SARDH: variants seen among roughly 807,000 people sequenced by gnomAD.
SARDH encodes the protein sarcosine dehydrogenase.
In SARDH, 95 loss-of-function variants were observed where a neutral mutation model predicts 109.1. The observed-to-expected ratio is 0.87, with a 90% CI of 0.74 to 1.03. SARDH has a LOEUF of 1.03. Ranked by LOEUF, SARDH falls within the 50% of genes least tolerant of loss-of-function variation. The probability of loss-of-function intolerance (pLI) is 0.00; values close to 1 mark genes in which losing one functional copy is unlikely to be tolerated. For synonymous variants in SARDH, 572 were observed against 534.8 expected (o/e 1.07, Z -0.96); for missense variants, 1,267 against 1,287.8 (o/e 0.98, Z 0.25).
At chr9:133,706,967 C>T (rs868695352) in intron 11 of SARDH, among the ~76,000 whole-genome samples, 2 of 152,130 alleles carry the variant, frequency 1.3e-5, no homozygotes, top group Admixed American at 1.3e-4. Flanking sequence ...GGATGGCAAT[C>T]GAGGGCACAA....
chr9:133,662,856 G>T (rs191447761), downstream of SARDH, among the ~76,000 whole-genome samples: 255 of 152,312 alleles, frequency 1.7e-3, no homozygotes, highest in Admixed American at 5.4e-3. The surrounding 1 kb of genome is among the most constrained non-coding windows in gnomAD (Gnocchi z 5.1). Context: ...CCTGGGCTCG[G>T]GGGGACAAGG....
intron 20 of SARDH, among the ~76,000 whole-genome samples, chr9:133,664,900 C>A (rs1425811255): frequency 1.3e-5 from 2 of 152,140 alleles, no homozygotes; most frequent in Admixed American, 1.3e-4. Flanking sequence ...CACGGGCATG[C>A]ACAACTCAAA....
intron 17 of SARDH, among the ~76,000 whole-genome samples, chr9:133,684,262 CTG>C (rs1386322909): frequency 1.3e-5 from 2 of 152,248 alleles, no homozygotes; most frequent in Non-Finnish European, 2.9e-5. Flanking sequence ...GGCCACACAC[CTG>C]TGTCACACAG....
chr9:133,701,359 A>G (rs1260189596), intron 13 of SARDH, among the ~76,000 whole-genome samples: 1 of 152,166 alleles, frequency 6.6e-6, no homozygotes, highest in African/African-American at 2.4e-5. Flanking sequence ...ACCAGGCATC[A>G]CTGTCCTTCA....
Position 133,731,374 on chromosome 9 carries a change from G to A in SARDH, c.621C>T (p.His207=), listed in dbSNP as rs1832675075. The change falls in exon 4 of 21, where the codon CAC becomes CAT. Residue 207 remains histidine (H), a synonymous_variant. Coordinates refer to ENST00000439388, the MANE Select transcript of SARDH (RefSeq NM_001134707.2). ...TGCCAGCGGGGTCCATGGTACCGTC[G>A]TGCGGCACATACAGGGTCCCGTAGA... ...DDLYGTLYVP[H]DGTMDPAGTC... 1 of 1,614,196 alleles carries A rather than the reference G, an allele frequency of 6.2e-7. No individual in the cohort carries two copies. Among genetic ancestry groups the A allele is most frequent in the Non-Finnish European group, 8.5e-7 (1 of 1,180,020 alleles).
intron 7 of SARDH, 27 bp from the exon 8 acceptor site, chr9:133,717,482 T>C (rs768552437): frequency 1.9e-6 from 3 of 1,613,180 alleles, no homozygotes; most frequent in Non-Finnish European, 1.7e-6. Flanking sequence ...GGGGAACATC[T>C]CCGTTGTCCC....
chr9:133,706,212 G>A (rs577067586), intron 11 of SARDH, among the ~76,000 whole-genome samples: 8 of 151,846 alleles, frequency 5.3e-5, no homozygotes, highest in Non-Finnish European at 8.8e-5. Flanking sequence ...AACCCCCGTG[G>A]CCCTCAGCTG....
At position 133,708,369 on chromosome 9, in the gene SARDH, G is replaced by C. The variant is rs1355563323; in HGVS notation, c.1388C>G (p.Ser463Cys). ...GACGACGGAGTAGTTCTTGGCGTAG[G>C]ACTCATGGCTTCGCTCTCGGATCCA... ...PRWIRERSHE[S>C]YAKNYSVVFP... Residue 463 changes from serine to cysteine, a missense_variant, in exon 11 of 21, where the codon TCC becomes TGC. Physicochemically the swap from Ser to Cys is moderately radical, Grantham distance 112. Transcript: ENST00000439388. The C allele has an allele frequency of 6.2e-7, 1 of 1,613,328 alleles. No individual in the cohort carries two copies. Among genetic ancestry groups the C allele is most frequent in the Non-Finnish European group, 8.5e-7 (1 of 1,179,756 alleles).
chr9:133,711,669 G>A (rs1039015593), intron 10 of SARDH, among the ~76,000 whole-genome samples: 2 of 152,174 alleles, frequency 1.3e-5, no homozygotes, highest in Admixed American at 6.5e-5. Context: ...CAGCAGAGGC[G>A]AGGGGCGCAC....
At position 133,728,118 on chromosome 9, in the gene SARDH, G is replaced by A. The variant is rs564775334; in HGVS notation, c.915+1647C>T. On this transcript the variant is annotated intron_variant, in intron 6 of 20. Coordinates refer to ENST00000439388, the MANE Select transcript of SARDH (RefSeq NM_001134707.2). The surrounding 1 kb of genome is among the most constrained non-coding windows in gnomAD (Gnocchi z 5.0). ...TGTGACTACTCTTAGTCCCTAACCC[G>A]GCACATGGCACCAGCCACCTGCAGT... is the stretch of plus-strand genomic sequence containing the variant. Among the ~76,000 whole-genome samples, 6 of 152,194 alleles carry A rather than the reference G, an allele frequency of 3.9e-5. No homozygotes were observed. In the East Asian group the frequency reaches 5.8e-4, roughly 15 times the overall value.
intron 8 of SARDH, among the ~76,000 whole-genome samples, chr9:133,713,621 G>C (rs181833588): frequency 6.6e-6 from 1 of 152,230 alleles, no homozygotes; most frequent in Non-Finnish European, 1.5e-5. Flanking sequence ...GCCAACAAAG[G>C]CTCCCAACTT....
intron 3 of SARDH, 41 bp downstream of exon 3, chr9:133,732,381 CA>C: frequency 1.6e-5 from 15 of 921,098 alleles, no homozygotes; most frequent in Non-Finnish European, 2.3e-5. Context: ...TGCACCCACC[CA>C]CCCAAGCCCC....
intron 1 of SARDH, among the ~76,000 whole-genome samples, chr9:133,737,548 C>T (rs1204432210): frequency 6.6e-6 from 1 of 152,136 alleles, no homozygotes; most frequent in Non-Finnish European, 1.5e-5. Flanking sequence ...AACACCCCCA[C>T]CCCACCACCC....
At chr9:133,664,098 C>T (rs1829974285) in intron 20 of SARDH, 84 bp from the exon 21 acceptor site, 5 of 1,540,070 alleles carry the variant, frequency 3.2e-6, no homozygotes, top group Non-Finnish European at 4.4e-6. Context: ...AGGAGGGGGT[C>T]TTGGTCTTGC....
At chr9:133,719,993 C>G (rs1290546733) in intron 6 of SARDH, among the ~76,000 whole-genome samples, 1 of 152,116 alleles carries the variant, frequency 6.6e-6, no homozygotes, top group Non-Finnish European at 1.5e-5. Flanking sequence ...CGCCTGTAGT[C>G]CCAGCTATTC....
At chr9:133,722,660 T>G (rs1192146731) in intron 6 of SARDH, among the ~76,000 whole-genome samples, 7 of 150,830 alleles carry the variant, frequency 4.6e-5, no homozygotes, top group African/African-American at 1.7e-4. Context: ...TCTCTCTCTC[T>G]CTCTCTCTCT....
At chr9:133,691,432 C>A (rs1831093891) in intron 15 of SARDH, among the ~76,000 whole-genome samples, 1 of 152,192 alleles carries the variant, frequency 6.6e-6, no homozygotes, top group Non-Finnish European at 1.5e-5. Flanking sequence ...CAGGTCCAGG[C>A]CTGGCCTGCA....
chr9:133,729,976 C>A, intron 5 of SARDH, 88 bp downstream of exon 5: 2 of 1,592,686 alleles, frequency 1.3e-6, no homozygotes, highest in Non-Finnish European at 1.7e-6. Context: ...GGGCTCCCCA[C>A]CCCAGAAAGA....
intron 15 of SARDH, among the ~76,000 whole-genome samples, chr9:133,690,963 C>T (rs1264705333): frequency 1.3e-5 from 2 of 152,126 alleles, no homozygotes; most frequent in Non-Finnish European, 2.9e-5. Flanking sequence ...ATTGGAAGCA[C>T]CCTTGGACGA....
Sources: gnomAD v4.1 joint callset for allele counts (sites outside exome capture counted in the v4.1 genomes callset) on GRCh38, gnomAD v4.1.1 for gene constraint, Gnocchi (gnomAD v3.1) non-coding constraint, MANE v1.5 for transcripts, NCBI Gene and HGNC (gene_info 2026-07-23, HGNC 2026-07-21) for gene names.